The following SUGCT variants were observed in gnomAD, a reference collection of about 807,000 sequenced individuals.
SUGCT encodes the protein succinyl-CoA:glutarate-CoA transferase.
A neutral mutation model predicts 55.0 loss-of-function variants in SUGCT; 41 were observed. The observed-to-expected ratio is 0.74, with a 90% CI of 0.58 to 0.97. SUGCT has a LOEUF of 0.97. Among genes scored for constraint, SUGCT ranks in the 50% least tolerant of loss-of-function variants. The pLI, the probability that SUGCT is intolerant of heterozygous loss-of-function variation, is 0.00. For missense variants in SUGCT, 568 were observed against 547.8 expected, an observed-to-expected ratio of 1.04 and a Z score of -0.37; for synonymous variants, 187 against 200.4, an observed-to-expected ratio of 0.93 and a Z score of 0.56.
Position 40,274,552 on chromosome 7 carries a change from C to G in SUGCT, c.616C>G (p.Leu206Val). The change falls in exon 8 of 14, where the codon CTT becomes GTT. Residue 206 changes from leucine (L) to valine (V), a missense_variant. By Grantham distance (32) the Leu-to-Val change is conservative. Coordinates refer to ENST00000335693, the MANE Select transcript of SUGCT (RefSeq NM_001193313.2). ...PVRPGVAMTD[L>V]ATGLYAYGAI... ...TCGCCCAGGAGTAGCTATGACTGAT[C>G]TTGCCACTGGCCTGTATGCATATGG... is the stretch of plus-strand genomic sequence containing the variant. The G allele has an allele frequency of 6.2e-7, 1 of 1,613,698 alleles. No individual in the cohort carries two copies. The highest frequency in any genetic ancestry group is 8.5e-7 in the Non-Finnish European group (1 of 1,179,744).
At chr7:40,332,739 G>A (rs1796394303) in intron 9 of SUGCT, among the ~76,000 whole-genome samples, 1 of 152,154 alleles carries the variant, frequency 6.6e-6, no homozygotes, top group Non-Finnish European at 1.5e-5. Context: ...TGGGGGGCCA[G>A]AAAATGAGCT....
In SUGCT at chr7:40,316,870, G is replaced by A. The variant is rs548442586; in HGVS notation, c.816+15G>A. ...TTCCTTACCAGGTAAGACTACAGCA[G>A]TCTAGGGTTGGGCTGTTGTAATTTG... On this transcript the variant is annotated intron_variant, in intron 9 of 13. Coordinates refer to ENST00000335693, the MANE Select transcript of SUGCT (RefSeq NM_001193313.2). 15 of 1,421,662 alleles carry A rather than the reference G, an allele frequency of 1.1e-5. No individual in the cohort carries two copies. In the African/African-American group the frequency reaches 2.1e-4, roughly 20 times the overall value. 88.1% of individuals were successfully genotyped at this position (1,421,662 alleles called of 1,614,324 possible).
the SUGCT span, among the ~76,000 whole-genome samples, chr7:40,955,778 G>A: frequency 1.3e-5 from 2 of 152,098 alleles, no homozygotes; most frequent in Admixed American, 6.5e-5. Flanking sequence ...GTCATAAATA[G>A]CTCTTATTAT....
the SUGCT span, among the ~76,000 whole-genome samples, chr7:40,920,266 G>A: frequency 2.0e-5 from 3 of 152,100 alleles, no homozygotes; most frequent in Non-Finnish European, 4.4e-5. Context: ...GCCTAGATAT[G>A]GCATATATGA....
intron 9 of SUGCT, among the ~76,000 whole-genome samples, chr7:40,376,644 G>A (rs1048388738): frequency 4.6e-5 from 7 of 151,832 alleles, no homozygotes; most frequent in Admixed American, 1.3e-4. Flanking sequence ...CACCTGCCTC[G>A]GCCTCCCAAA....
chr7:40,823,138 T>C (rs181711149), intron 13 of SUGCT, among the ~76,000 whole-genome samples: 25 of 152,288 alleles, frequency 1.6e-4, no homozygotes, highest in Middle Eastern at 3.4e-3. Context: ...CATTGTATCA[T>C]CTTAGTAATG....
At chr7:40,365,233 C>G (rs1783869291) in intron 9 of SUGCT, among the ~76,000 whole-genome samples, 2 of 152,104 alleles carry the variant, frequency 1.3e-5, no homozygotes, top group Non-Finnish European at 1.5e-5. Context: ...TAAAAACTCT[C>G]AATAAATTAG....
the SUGCT span, among the ~76,000 whole-genome samples, chr7:41,014,209 G>A: frequency 6.6e-6 from 1 of 152,136 alleles, no homozygotes; most frequent in Admixed American, 6.5e-5. Context: ...AACTTCATGT[G>A]AATCTATTTC....
Position 40,324,317 on chromosome 7 carries a change from G to A in SUGCT, c.816+7462G>A, listed in dbSNP as rs112353610. ...GTTGCCCAGGTTGGAGTGCAGTGGC[G>A]CAATCTCAGCTCACTTCAACCTCCA... On this transcript the variant is annotated intron_variant, in intron 9 of 13. Transcript: ENST00000335693. 1.4e-3 allele frequency among the ~76,000 whole-genome samples: 211 copies of A among 148,726 alleles called. No homozygotes were observed. In the Middle Eastern group the frequency reaches 0.018, roughly 13 times the overall value.
intron 9 of SUGCT, among the ~76,000 whole-genome samples, chr7:40,361,762 A>C (rs1215611558): frequency 6.6e-6 from 1 of 152,128 alleles, no homozygotes; most frequent in African/African-American, 2.4e-5. Flanking sequence ...CTTGGGAGTC[A>C]CTGGCATAAA....
chr7:40,687,707 C>T (rs565867695), intron 12 of SUGCT, among the ~76,000 whole-genome samples: 3 of 152,308 alleles, frequency 2.0e-5, no homozygotes, highest in African/African-American at 7.2e-5. Flanking sequence ...TCCAACAGAT[C>T]TCAGTTCCTC....
At chr7:41,019,734 A>G in the SUGCT span, among the ~76,000 whole-genome samples, 1 of 152,232 alleles carries the variant, frequency 6.6e-6, no homozygotes, top group Non-Finnish European at 1.5e-5. Context: ...CGGCAAATAC[A>G]GCTTCTGCCT....
chr7:40,259,536 A>C lies in SUGCT; in HGVS notation c.577-14977A>C, dbSNP rs143063571. On this transcript the variant is annotated intron_variant, in intron 7 of 13. Coordinates refer to ENST00000335693, the MANE Select transcript of SUGCT (RefSeq NM_001193313.2). ...TTGGTGGAGCCATTCTACAATGTGC[A>C]TATGTTTCAAAATATGTTGTACACA... Among the ~76,000 whole-genome samples, 737 of 152,330 alleles carry C rather than the reference A, an allele frequency of 4.8e-3. 6 individuals carry two copies. Among genetic ancestry groups the C allele is most frequent in the African/African-American group, 0.017 (701 of 41,574 alleles).
intron 12 of SUGCT, among the ~76,000 whole-genome samples, chr7:40,616,830 G>A (rs542901015): frequency 6.6e-6 from 1 of 152,318 alleles, no homozygotes; most frequent in East Asian, 1.9e-4. Flanking sequence ...TGGTCTGAAT[G>A]GAGGGGTCCT....
chr7:40,587,999 C>G (rs901999296), intron 12 of SUGCT, among the ~76,000 whole-genome samples: 2 of 151,156 alleles, frequency 1.3e-5, no homozygotes, highest in Non-Finnish European at 2.9e-5. Context: ...GCCTCCCAGG[C>G]TCAGGCGATT....
chr7:40,809,501 T>C (rs1791291637), intron 13 of SUGCT, among the ~76,000 whole-genome samples: 1 of 152,144 alleles, frequency 6.6e-6, no homozygotes, highest in Non-Finnish European at 1.5e-5. Context: ...GAATCTAGAA[T>C]TAACTTAAAG....
chr7:41,038,475 C>A, the SUGCT span, among the ~76,000 whole-genome samples: 1 of 152,230 alleles, frequency 6.6e-6, no homozygotes, highest in South Asian at 2.1e-4. Flanking sequence ...GGCTGCTGCC[C>A]TGAACAGACA....
the SUGCT span, among the ~76,000 whole-genome samples, chr7:40,949,933 A>T: frequency 6.6e-6 from 1 of 152,224 alleles, no homozygotes; most frequent in South Asian, 2.1e-4. Flanking sequence ...TGACTTGGCA[A>T]TGCAGGCTCT....
At chr7:40,665,430 A>AG in intron 12 of SUGCT, among the ~76,000 whole-genome samples, 1 of 144,294 alleles carries the variant, frequency 6.9e-6, no homozygotes, top group South Asian at 2.2e-4. Flanking sequence ...ACTCTATCTC[A>AG]AAAAATAAAT....
Sources: gnomAD v4.1 joint callset for allele counts (sites outside exome capture counted in the v4.1 genomes callset) on GRCh38, gnomAD v4.1.1 for gene constraint, MANE v1.5 for transcripts, NCBI Gene and HGNC (gene_info 2026-07-23, HGNC 2026-07-21) for gene names.